The following FAT1 variants were observed in gnomAD, a reference collection of about 807,000 sequenced individuals.
FAT1 encodes the protein protocadherin Fat 1.
FAT1 carries 171 observed loss-of-function variants against 329.8 expected under a neutral mutation model. The observed-to-expected ratio is 0.52, with a 90% CI of 0.46 to 0.59. The LOEUF (loss-of-function observed/expected upper bound fraction) is 0.59, where lower values mean the gene tolerates loss of function less well. Among genes scored for constraint, FAT1 ranks in the 20% least tolerant of loss-of-function variants. The pLI is 0.00. For missense variants in FAT1, 5,672 were observed against 5,774.4 expected (o/e 0.98, Z 0.57); for synonymous variants, 2,233 against 2,228.6 (o/e 1.00, Z -0.06).
chr4:186,610,430 T>C (rs910559498), intron 14 of FAT1, among the ~76,000 whole-genome samples: 7 of 151,766 alleles, frequency 4.6e-5, no homozygotes, highest in Non-Finnish European at 7.4e-5. Context: ...TTCCTTCTCA[T>C]ATTTTTAAAA....
intron 20 of FAT1, chr4:186,601,779 T>A (rs1738829787): frequency 5.9e-6 from 1 of 168,778 alleles, no homozygotes; most frequent in Non-Finnish European, 1.3e-5. Flanking sequence ...AATAAAACAA[T>A]CCCCATTCCC....
chr4:186,643,474 G>A (rs182256838), intron 3 of FAT1, among the ~76,000 whole-genome samples: 4 of 152,242 alleles, frequency 2.6e-5, no homozygotes, highest in Middle Eastern at 3.4e-3. Context: ...GAGAGAGGCC[G>A]TGCATGAGTG....
intron 14 of FAT1, among the ~76,000 whole-genome samples, chr4:186,610,661 A>ATTATATAAT (rs1553988070): frequency 7.2e-5 from 6 of 83,880 alleles, no homozygotes; most frequent in East Asian, 4.7e-4. Context: ...ATAAATATAA[A>ATTATATAAT]TTATATAATT....
At chr4:186,607,747 A>T (rs1739219773) in intron 16 of FAT1, among the ~76,000 whole-genome samples, 1 of 151,780 alleles carries the variant, frequency 6.6e-6, no homozygotes, top group South Asian at 2.1e-4. Context: ...GCATGGGTGG[A>T]TGGATAACTG....
chr4:186,706,662 C>T lies in FAT1; in HGVS notation c.3166G>A (p.Val1056Met), dbSNP rs2126682377. 2 of 1,613,990 alleles carry T rather than the reference C, an allele frequency of 1.2e-6. No individual in the cohort carries two copies. Among genetic ancestry groups the T allele is most frequent in the Non-Finnish European group, 1.7e-6 (2 of 1,179,898 alleles). ...CTGGCGTCCTCATCATGAGCCGACA[C>T]CGTCATTACCAATGAACCAACAGGT... ...DAPVGSLVMT[V>M]SAHDEDARRD... The change falls in exon 2 of 27, where the codon GTG (valine) becomes ATG (methionine). Residue 1056 changes from valine (V) to methionine (M), a missense_variant. Transcript: ENST00000441802.
chr4:186,666,225 A>C (rs984870804), intron 2 of FAT1, among the ~76,000 whole-genome samples: 3 of 152,120 alleles, frequency 2.0e-5, no homozygotes, highest in Non-Finnish European at 2.9e-5. Flanking sequence ...AAACCTCAGA[A>C]CCAAATAAAA....
intron 14 of FAT1, among the ~76,000 whole-genome samples, chr4:186,610,300 T>C (rs1272901999): frequency 1.3e-5 from 2 of 152,084 alleles, no homozygotes; most frequent in African/African-American, 2.4e-5. Flanking sequence ...ATGATGATTG[T>C]ATCATCCCTT....
rs1560943587 is a variant in FAT1 at position 186,620,955 on chromosome 4, A to AG, written c.5630dup (p.Val1878CysfsTer8). Reference sequence around the variant, plus strand: ...CTTCATATAATGGCTTGGCAAACACAGGGGGGCAGTCATTAATGTCAATTA... The same window carrying AG: ...CTTCATATAATGGCTTGGCAAACACAGGGGGGGCAGTCATTAATGTCAATTA... On this transcript the variant is annotated frameshift_variant, in exon 10 of 27. Coordinates refer to ENST00000441802, the MANE Select transcript of FAT1 (RefSeq NM_005245.4). LOFTEE classifies it high-confidence loss of function. 1 of 1,613,846 alleles carries AG rather than the reference A, an allele frequency of 6.2e-7. No homozygotes were observed. The highest frequency in any genetic ancestry group is 8.5e-7 in the Non-Finnish European group (1 of 1,179,890).
intron 3 of FAT1, among the ~76,000 whole-genome samples, chr4:186,647,196 A>T (rs1030190489): frequency 5.9e-5 from 9 of 152,198 alleles, no homozygotes; most frequent in African/African-American, 2.2e-4. Flanking sequence ...TAAAAGGCAG[A>T]GGTGAATATT....
intron 1 of FAT1, among the ~76,000 whole-genome samples, chr4:186,712,613 G>A (rs571285805): frequency 1.8e-4 from 27 of 152,260 alleles, no homozygotes; most frequent in Non-Finnish European, 3.5e-4. Flanking sequence ...GAAAACTAAA[G>A]CAGGGCAAAG....
intron 2 of FAT1, among the ~76,000 whole-genome samples, chr4:186,681,875 T>C (rs1331447423): frequency 6.6e-6 from 1 of 152,192 alleles, no homozygotes; most frequent in East Asian, 1.9e-4. Flanking sequence ...AAAGGAACAT[T>C]AGTCCACCTT....
intron 2 of FAT1, among the ~76,000 whole-genome samples, chr4:186,676,029 G>A (rs1242658260): frequency 1.3e-5 from 2 of 152,096 alleles, no homozygotes; most frequent in African/African-American, 4.8e-5. Flanking sequence ...CCTATGAGAA[G>A]ACAGTTAAAT....
chr4:186,609,712 G>T, intron 15 of FAT1, 89 bp downstream of exon 15: 2 of 865,984 alleles, frequency 2.3e-6, no homozygotes, highest in Non-Finnish European at 3.7e-6. Flanking sequence ...TACAAAGGCC[G>T]CTACAAAAAC....
chr4:186,598,228 G>T, intron 22 of FAT1, 103 bp from the exon 23 acceptor site: 2 of 1,160,496 alleles, frequency 1.7e-6, no homozygotes, highest in Non-Finnish European at 2.3e-6. Context: ...GTCTGTAAAA[G>T]CTCGTAAAAT....
Position 186,603,449 on chromosome 4 carries a change from C to G in FAT1, c.11077G>C (p.Asp3693His). 1 of 1,613,962 alleles carries G rather than the reference C, an allele frequency of 6.2e-7. No homozygotes were observed. ...LQSSEPHPHLDVLLFVEKPGS... is the reference protein window; with the variant it reads ...LQSSEPHPHLHVLLFVEKPGS... ...GGTTTCTCTACAAAAAGTAAGACGT[C>G]CAGATGTGGGTGAGGTTCAGAGGAC... The change falls in exon 19 of 27, where the codon GAC becomes CAC. Residue 3693 changes from aspartate to histidine, a missense_variant. By Grantham distance (81) the Asp-to-His change is moderately conservative. Transcript: ENST00000441802.
At chr4:186,671,157 G>A (rs903331373) in intron 2 of FAT1, among the ~76,000 whole-genome samples, 1 of 151,378 alleles carries the variant, frequency 6.6e-6, no homozygotes, top group African/African-American at 2.4e-5. Flanking sequence ...TTTTAATCTC[G>A]TTTTCATTAA....
At chr4:186,636,317 G>T in intron 5 of FAT1, 82 bp from the exon 6 acceptor site, 2 of 1,294,862 alleles carry the variant, frequency 1.5e-6, no homozygotes, top group Non-Finnish European at 2.2e-6. Flanking sequence ...GACTGGTTTG[G>T]TCTTAAACTG....
At chr4:186,693,735 C>A (rs982127782) in intron 2 of FAT1, among the ~76,000 whole-genome samples, 4 of 152,158 alleles carry the variant, frequency 2.6e-5, no homozygotes, top group Non-Finnish European at 4.4e-5. Context: ...GGTTTGTTTC[C>A]CAACAAAAGG....
At chr4:186,652,753 A>G (rs187065539) in intron 3 of FAT1, among the ~76,000 whole-genome samples, 3 of 152,176 alleles carry the variant, frequency 2.0e-5, no homozygotes, top group Admixed American at 2.0e-4. Flanking sequence ...GCTATTTCCT[A>G]TTGCAGTTTG....
Sources: gnomAD v4.1 joint callset for allele counts (sites outside exome capture counted in the v4.1 genomes callset) on GRCh38, gnomAD v4.1.1 for gene constraint, MANE v1.5 for transcripts, NCBI Gene and HGNC (gene_info 2026-07-23, HGNC 2026-07-21) for gene names.